The following XKR9 variants were observed in gnomAD, a reference collection of about 807,000 sequenced individuals.
XKR9 encodes the protein XK-related protein 9.
A neutral mutation model predicts 32.0 loss-of-function variants in XKR9; 32 were observed. That is an observed-to-expected ratio of 1.00 (90% CI 0.76 to 1.34). XKR9 has a LOEUF of 1.34. Ranked by LOEUF, XKR9 falls within the 40% of genes most tolerant of loss-of-function variation. The pLI, the probability that XKR9 is intolerant of heterozygous loss-of-function variation, is 0.00. For synonymous variants in XKR9, 168 were observed against 143.4 expected, an observed-to-expected ratio of 1.17 and a Z score of -1.22; for missense variants, 546 against 429.7, an observed-to-expected ratio of 1.27 and a Z score of -2.39.
At chr8:70,699,324 T>G (rs1586828978) in intron 3 of XKR9, among the ~76,000 whole-genome samples, 1 of 152,284 alleles carries the variant, frequency 6.6e-6, no homozygotes, top group African/African-American at 2.4e-5. Context: ...CTGGTACCGG[T>G]TGTTCCTTTC....
At chr8:70,775,510 A>G (rs1047668296) in intron 2 of XKR9, among the ~76,000 whole-genome samples, 3 of 152,156 alleles carry the variant, frequency 2.0e-5, no homozygotes, top group Admixed American at 1.3e-4. Context: ...TTTTAAAATT[A>G]TGAATGAGTG....
intron 2 of XKR9, among the ~76,000 whole-genome samples, chr8:70,772,687 C>T (rs947797104): frequency 6.6e-6 from 1 of 151,992 alleles, no homozygotes; most frequent in African/African-American, 2.4e-5. Flanking sequence ...ACCATGGCAA[C>T]TTTTAAAAAT....
At chr8:70,848,651 G>A in the XKR9 span, among the ~76,000 whole-genome samples, 4 of 151,690 alleles carry the variant, frequency 2.6e-5, no homozygotes, top group South Asian at 2.1e-4. Flanking sequence ...CTGGCAAATT[G>A]GATAGTCAAA....
rs150428144 is a variant in XKR9, at chr8:70,673,527, G to T, written c.-360-1291G>T. ...ACAGTTAGATATATTTTTTGGTCGG[G>T]TGTGGTGGCTCACGCCTGTAATCCC... is the stretch of plus-strand genomic sequence containing the variant. On this transcript the variant is annotated intron_variant, in intron 1 of 4. Coordinates refer to ENST00000408926, the MANE Select transcript of XKR9 (RefSeq NM_001011720.2). Among the ~76,000 whole-genome samples, 35 of 152,292 alleles carry T rather than the reference G, an allele frequency of 2.3e-4. No homozygotes were observed. In the Middle Eastern group the frequency reaches 0.01, roughly 44 times the overall value.
intron 2 of XKR9, among the ~76,000 whole-genome samples, chr8:70,758,056 G>T (rs1807254421): frequency 6.6e-6 from 1 of 152,002 alleles, no homozygotes; most frequent in Non-Finnish European, 1.5e-5. Flanking sequence ...AACTATTTTT[G>T]ATAATATGAC....
downstream of XKR9, among the ~76,000 whole-genome samples, chr8:70,792,776 G>A (rs1055637622): frequency 6.6e-6 from 1 of 152,072 alleles, no homozygotes; most frequent in Non-Finnish European, 1.5e-5. Flanking sequence ...ACTGAAACAA[G>A]CTTATCAAAT....
At chr8:71,016,185 C>A in the XKR9 span, among the ~76,000 whole-genome samples, 11 of 151,926 alleles carry the variant, frequency 7.2e-5, no homozygotes, top group Admixed American at 2.6e-4. Flanking sequence ...TTTGGTGGAC[C>A]TTAATCTTTT....
the XKR9 span, among the ~76,000 whole-genome samples, chr8:70,990,733 AAG>A: frequency 0.077 from 11,029 of 142,972 alleles, 614 homozygotes; most frequent in African/African-American, 0.17. Flanking sequence ...TTGGCAGAAT[AAG>A]AGAGAGAGAG....
At chr8:70,942,434 T>C in the XKR9 span, among the ~76,000 whole-genome samples, 2,770 of 152,176 alleles carry the variant, frequency 0.018, 75 homozygotes, top group African/African-American at 0.064. Context: ...TTACCTGCCT[T>C]GGTAACCAAA....
chr8:70,817,872 A>G, the XKR9 span, among the ~76,000 whole-genome samples: 1 of 152,194 alleles, frequency 6.6e-6, no homozygotes, highest in Admixed American at 6.5e-5. Flanking sequence ...AAAACACTCC[A>G]TATTCAATAA....
At chr8:70,839,147 T>G in the XKR9 span, among the ~76,000 whole-genome samples, 23 of 152,210 alleles carry the variant, frequency 1.5e-4, no homozygotes, top group African/African-American at 5.5e-4. Flanking sequence ...ATTGACCAAT[T>G]TCCTTCTTAT....
chr8:70,805,144 AG>A, the XKR9 span, among the ~76,000 whole-genome samples: 1 of 152,074 alleles, frequency 6.6e-6, no homozygotes, highest in Non-Finnish European at 1.5e-5. Flanking sequence ...AAGGAAGGGC[AG>A]TGCAGCACAG....
chr8:70,855,201 A>ACT, the XKR9 span, among the ~76,000 whole-genome samples: 14 of 152,182 alleles, frequency 9.2e-5, no homozygotes, highest in South Asian at 2.7e-3. Context: ...GGAAGTTTGA[A>ACT]CCGATGGCAA....
the XKR9 span, among the ~76,000 whole-genome samples, chr8:70,992,064 A>T: frequency 1.3e-5 from 2 of 152,342 alleles, no homozygotes; most frequent in Admixed American, 1.3e-4. Context: ...ATCTGTGTTA[A>T]GTACAAAGCT....
At chr8:70,967,304 C>T in the XKR9 span, among the ~76,000 whole-genome samples, 1 of 151,980 alleles carries the variant, frequency 6.6e-6, no homozygotes, top group African/African-American at 2.4e-5. Context: ...CTCCTGACCT[C>T]GTGATTCGCC....
chr8:71,010,078 A>G, the XKR9 span, among the ~76,000 whole-genome samples: 2 of 152,130 alleles, frequency 1.3e-5, no homozygotes, highest in Admixed American at 6.5e-5. Flanking sequence ...AAGTTATTTA[A>G]TCTCTCTGAA....
In XKR9 at chr8:70,681,212, A is replaced by G. The variant is rs765765920; in HGVS notation, c.154A>G (p.Thr52Ala). The change falls in exon 3 of 5, where the codon ACA becomes GCA. Residue 52 changes from threonine to alanine, a missense_variant. Coordinates refer to ENST00000408926, the MANE Select transcript of XKR9 (RefSeq NM_001011720.2). The part of the protein sequence containing the change: ...ALALSFMLFG[T>A]LVAQCFSYSW... Reference sequence around the variant, plus strand: ...AGCGTTAAGCTTTATGCTTTTTGGAACACTTGTGGCTCAGTGTTTTAGTTA... The same window carrying G: ...AGCGTTAAGCTTTATGCTTTTTGGAGCACTTGTGGCTCAGTGTTTTAGTTA... 1 of 1,613,534 alleles carries G rather than the reference A, an allele frequency of 6.2e-7. No individual in the cohort carries two copies. Among genetic ancestry groups the G allele is most frequent in the Middle Eastern group, 1.7e-4 (1 of 6,056 alleles).
chr8:70,806,716 GA>G, the XKR9 span, among the ~76,000 whole-genome samples: 3 of 150,780 alleles, frequency 2.0e-5, no homozygotes, highest in East Asian at 5.8e-4. Context: ...CAAGACTAGA[GA>G]AAAAAAATGA....
chr8:70,903,864 A>T, the XKR9 span, among the ~76,000 whole-genome samples: 2 of 152,100 alleles, frequency 1.3e-5, no homozygotes, highest in African/African-American at 2.4e-5. Context: ...GTTTCAAAGA[A>T]CATCTTTATT....
Sources: allele counts gnomAD v4.1 joint callset (sites outside exome capture counted in the v4.1 genomes callset), GRCh38; gene constraint gnomAD v4.1.1; transcripts MANE v1.5; gene names NCBI Gene and HGNC (gene_info 2026-07-23, HGNC 2026-07-21).